The following MAPK10 variants were observed in gnomAD, a reference collection of about 807,000 sequenced individuals.
MAPK10 encodes the protein mitogen-activated protein kinase 10.
In MAPK10, 25 loss-of-function variants were observed where a neutral mutation model predicts 59.3. The observed-to-expected ratio is 0.42, with a 90% confidence interval of 0.31 to 0.59. The LOEUF is 0.59. MAPK10 is among the 20% of genes least tolerant of loss of function. The pLI is 0.15. For missense variants in MAPK10, 351 were observed against 568.9 expected, an observed-to-expected ratio of 0.62 and a Z score of 3.90; for synonymous variants, 190 against 200.5, an observed-to-expected ratio of 0.95 and a Z score of 0.44.
At chr4:86,205,289 T>A (rs944738953) in intron 2 of MAPK10, among the ~76,000 whole-genome samples, 3 of 151,966 alleles carry the variant, frequency 2.0e-5, no homozygotes, top group African/African-American at 7.2e-5. Context: ...CAAGAAAATA[T>A]AACAGTCTTG....
chr4:86,132,170 G>A (rs879348885), intron 4 of MAPK10, among the ~76,000 whole-genome samples: 61 of 152,094 alleles, frequency 4.0e-4, no homozygotes, highest in Admixed American at 3.3e-4. Context: ...TAAAGGTCTC[G>A]ATGAGTTAAT....
intron 1 of MAPK10, among the ~76,000 whole-genome samples, chr4:86,467,216 C>A (rs1752279503): frequency 6.6e-6 from 1 of 152,184 alleles, no homozygotes; most frequent in Non-Finnish European, 1.5e-5. Context: ...CAGACCAAAC[C>A]AAATCAGAAT....
intron 1 of MAPK10, among the ~76,000 whole-genome samples, chr4:86,475,591 C>T (rs1753017535): frequency 6.6e-6 from 1 of 152,182 alleles, no homozygotes; most frequent in Non-Finnish European, 1.5e-5. Flanking sequence ...GGTGTTTAAT[C>T]ATGCGGGGAT....
intron 1 of MAPK10, among the ~76,000 whole-genome samples, chr4:86,481,429 GAAAAAAA>G (rs201596678): frequency 7.5e-6 from 1 of 133,080 alleles, no homozygotes; most frequent in East Asian, 2.2e-4. Flanking sequence ...GAAAGTGGAG[GAAAAAAA>G]AAAAAAAAAC....
intron 1 of MAPK10, among the ~76,000 whole-genome samples, chr4:86,530,160 T>C (rs1338621281): frequency 1.3e-5 from 2 of 150,274 alleles, no homozygotes; most frequent in East Asian, 2.0e-4. Context: ...CAATCTACAA[T>C]AGATTCAAAT....
chr4:86,189,192 T>G (rs2079049310), intron 3 of MAPK10, among the ~76,000 whole-genome samples: 1 of 152,216 alleles, frequency 6.6e-6, no homozygotes. Context: ...CCTCCAGTGT[T>G]GTTCTTTTTG....
At chr4:86,241,255 G>T (rs1583368782) in intron 2 of MAPK10, among the ~76,000 whole-genome samples, 1 of 152,042 alleles carries the variant, frequency 6.6e-6, no homozygotes, top group African/African-American at 2.4e-5. Flanking sequence ...CTTTCTCTCT[G>T]GCTGCCCTTA....
chr4:86,350,036 G>C (rs757273860), intron 2 of MAPK10, among the ~76,000 whole-genome samples: 2 of 152,104 alleles, frequency 1.3e-5, no homozygotes, highest in African/African-American at 2.4e-5. Flanking sequence ...GGATGGATGG[G>C]AGTATGACAT....
intron 1 of MAPK10, among the ~76,000 whole-genome samples, chr4:86,580,702 G>T (rs1304896859): frequency 6.6e-6 from 1 of 152,078 alleles, no homozygotes; most frequent in African/African-American, 2.4e-5. Context: ...TTTCTAGCAA[G>T]ATTTTAATGG....
intron 1 of MAPK10, among the ~76,000 whole-genome samples, chr4:86,385,743 G>T (rs911148364): frequency 1.3e-5 from 2 of 152,070 alleles, no homozygotes; most frequent in Non-Finnish European, 2.9e-5. Flanking sequence ...CAAAACCAAA[G>T]AATTTGGAAC....
At chr4:86,079,938 T>C (rs1377486301) in intron 9 of MAPK10, 1 of 152,056 alleles carries the variant, frequency 6.6e-6, no homozygotes, top group Non-Finnish European at 1.5e-5. Flanking sequence ...AGCATTTTGG[T>C]CTTTTGGTCT....
chr4:86,281,665 G>A (rs991182121), intron 2 of MAPK10, among the ~76,000 whole-genome samples: 3 of 152,036 alleles, frequency 2.0e-5, no homozygotes, highest in Non-Finnish European at 2.9e-5. Flanking sequence ...AAGCTAAAGG[G>A]AAAGGAAATC....
chr4:86,240,704 C>G (rs1276601902), intron 2 of MAPK10, among the ~76,000 whole-genome samples: 1 of 151,852 alleles, frequency 6.6e-6, no homozygotes, highest in African/African-American at 2.4e-5. Flanking sequence ...AATATTCCTC[C>G]AACCCTTCAT....
intron 9 of MAPK10, among the ~76,000 whole-genome samples, chr4:86,076,594 A>C (rs1039747710): frequency 6.6e-6 from 1 of 152,220 alleles, no homozygotes. Context: ...GTGTTTTGTC[A>C]CAAGCAACTC....
intron 9 of MAPK10, among the ~76,000 whole-genome samples, chr4:86,077,978 T>G (rs2049858986): frequency 1.3e-5 from 2 of 152,156 alleles, no homozygotes; most frequent in Non-Finnish European, 2.9e-5. Context: ...GTGTTAAGCA[T>G]CATTATATTA....
chr4:86,503,027 G>A (rs991974548), intron 1 of MAPK10, among the ~76,000 whole-genome samples: 3 of 152,072 alleles, frequency 2.0e-5, no homozygotes, highest in South Asian at 4.1e-4. Flanking sequence ...AATCTCAAAA[G>A]AGGGACTGCT....
chr4:86,239,459 T>C (rs915371040), intron 2 of MAPK10, among the ~76,000 whole-genome samples: 2 of 152,178 alleles, frequency 1.3e-5, no homozygotes, highest in African/African-American at 4.8e-5. Flanking sequence ...AGAATTTAGC[T>C]GTGAATCCGT....
chr4:86,039,513 T>G (rs928047018), intron 11 of MAPK10, among the ~76,000 whole-genome samples: 3 of 152,142 alleles, frequency 2.0e-5, no homozygotes, highest in Admixed American at 2.0e-4. Flanking sequence ...TTCCCAGCAC[T>G]GATCAGGGGC....
At chr4:86,352,210 G>A (rs779184593) in intron 2 of MAPK10, 10 of 151,686 alleles carry the variant, frequency 6.6e-5, no homozygotes, top group Non-Finnish European at 1.2e-4. Flanking sequence ...CCTAGAAAAC[G>A]GTAAATATCA....
Sources: gnomAD v4.1 joint callset for allele counts (sites outside exome capture counted in the v4.1 genomes callset) on GRCh38, gnomAD v4.1.1 for gene constraint, MANE v1.5 for transcripts, NCBI Gene and HGNC (gene_info 2026-07-23, HGNC 2026-07-21) for gene names.